Variants in RGS7 observed in about 807,000 individuals in gnomAD.
The protein encoded by RGS7 is regulator of G protein signaling 7.
A neutral mutation model predicts 81.1 loss-of-function variants in RGS7; 27 were observed. The observed-to-expected ratio is 0.33, with a 90% CI of 0.25 to 0.46. RGS7 has a LOEUF of 0.46. Among genes scored for constraint, RGS7 ranks in the 20% least tolerant of loss-of-function variants. The pLI is 1.00. For synonymous variants in RGS7, 208 were observed against 207.7 expected (o/e 1.00, Z -0.01); for missense variants, 396 against 607.4 (o/e 0.65, Z 3.66).
intron 6 of RGS7, chr1:240,920,614 T>C: frequency 9.2e-7 from 1 of 1,089,904 alleles, no homozygotes; most frequent in South Asian, 1.2e-5. Flanking sequence ...AGATTTTAAT[T>C]AGGAAACAAA....
At chr1:240,913,896 G>GT (rs924759988) in intron 6 of RGS7, among the ~76,000 whole-genome samples, 2 of 148,638 alleles carry the variant, frequency 1.3e-5, no homozygotes, top group Non-Finnish European at 3.0e-5. Flanking sequence ...TGTTTTTTTT[G>GT]TTTTTTTAAT....
At chr1:241,309,844 C>A (rs936742146) in intron 2 of RGS7, among the ~76,000 whole-genome samples, 1 of 152,200 alleles carries the variant, frequency 6.6e-6, no homozygotes, top group Non-Finnish European at 1.5e-5. Context: ...ACTTAACACA[C>A]GCGTTGAAGT....
intron 3 of RGS7, among the ~76,000 whole-genome samples, chr1:241,022,797 G>C (rs1451635581): frequency 6.6e-6 from 1 of 152,140 alleles, no homozygotes; most frequent in East Asian, 1.9e-4. Flanking sequence ...CATGGTCTTA[G>C]TGAGCTGATT....
In RGS7 at chr1:241,341,999, G is replaced by A. The variant is rs139239897; in HGVS notation, c.78+13700C>T. 1.5e-3 allele frequency among the ~76,000 whole-genome samples: 223 copies of A among 148,806 alleles called. 3 individuals are homozygous for A. In the Middle Eastern group the frequency reaches 0.025, roughly 16 times the overall value. ...AAGCAGTTCTTCTGCTTCACCCTCCGGAGTGGCTGAAATTACAGGCCCGTA... is the reference window on the plus strand; with the variant it reads ...AAGCAGTTCTTCTGCTTCACCCTCCAGAGTGGCTGAAATTACAGGCCCGTA... On this transcript the variant is annotated intron_variant, in intron 2 of 18. Coordinates refer to ENST00000440928, the MANE Select transcript of RGS7 (RefSeq NM_001364886.1).
chr1:241,192,448 C>T (rs1024751256), intron 2 of RGS7, among the ~76,000 whole-genome samples: 4 of 151,996 alleles, frequency 2.6e-5, no homozygotes, highest in African/African-American at 9.7e-5. Flanking sequence ...TTTTCAGAGT[C>T]CTTTATGTAT....
chr1:241,024,893 T>C (rs527257870), intron 3 of RGS7, among the ~76,000 whole-genome samples: 13 of 152,338 alleles, frequency 8.5e-5, no homozygotes, highest in African/African-American at 3.1e-4. Context: ...AAGAGATTGC[T>C]GATTGCAAAT....
intron 2 of RGS7, among the ~76,000 whole-genome samples, chr1:241,157,047 A>G (rs1463047853): frequency 6.6e-6 from 1 of 152,152 alleles, no homozygotes; most frequent in Non-Finnish European, 1.5e-5. Context: ...TGTTTTAAAA[A>G]TCCCTAGCAA....
chr1:240,912,150 CAAAAAAAA>C (rs374318547), intron 6 of RGS7, among the ~76,000 whole-genome samples: 3 of 55,780 alleles, frequency 5.4e-5, no homozygotes, highest in African/African-American at 1.8e-4. Context: ...GATTCTGTCT[CAAAAAAAA>C]AAAAAAAAAA....
chr1:240,998,005 TCA>T (rs1473654700), intron 3 of RGS7, among the ~76,000 whole-genome samples: 2 of 152,204 alleles, frequency 1.3e-5, no homozygotes, highest in African/African-American at 4.8e-5. Flanking sequence ...ACAAATTCTC[TCA>T]GTTTTCCTTC....
intron 18 of RGS7, among the ~76,000 whole-genome samples, chr1:240,780,775 G>A (rs1211770914): frequency 1.3e-5 from 2 of 151,684 alleles, no homozygotes; most frequent in African/African-American, 2.4e-5. Context: ...TTAGCTGGGC[G>A]TGGTGGTGCG....
At chr1:241,240,939 TTTAGG>T (rs954076850) in intron 2 of RGS7, among the ~76,000 whole-genome samples, 15 of 152,148 alleles carry the variant, frequency 9.9e-5, no homozygotes, top group African/African-American at 3.6e-4. Flanking sequence ...TCAAGATGCC[TTTAGG>T]TTCTTTCTGA....
intron 4 of RGS7, among the ~76,000 whole-genome samples, chr1:240,969,628 C>T (rs1682879331): frequency 6.6e-6 from 1 of 152,174 alleles, no homozygotes; most frequent in Non-Finnish European, 1.5e-5. Flanking sequence ...ATTTAAAAAA[C>T]CAATCAGATA....
chr1:241,216,503 T>C (rs1010937149), intron 2 of RGS7, among the ~76,000 whole-genome samples: 5 of 152,186 alleles, frequency 3.3e-5, no homozygotes, highest in African/African-American at 1.2e-4. Flanking sequence ...GTTATATTTG[T>C]GGGAAGAGAG....
chr1:241,307,803 T>A (rs916530231), intron 2 of RGS7, among the ~76,000 whole-genome samples: 4 of 152,064 alleles, frequency 2.6e-5, no homozygotes, highest in Admixed American at 1.3e-4. Context: ...ACTGAATGAA[T>A]GAATGAATGA....
chr1:240,833,825 G>C (rs1694246999), intron 9 of RGS7, among the ~76,000 whole-genome samples: 1 of 150,844 alleles, frequency 6.6e-6, no homozygotes, highest in African/African-American at 2.4e-5. Flanking sequence ...TTTTGGCCCA[G>C]GCTGGAATGC....
rs1334773171 is a variant in RGS7 at position 240,909,994 on chromosome 1, A to T, written c.385+20723T>A. ...TAGCCCTGCTTTATTAAAGTGCAGC[A>T]GACGTGCTCTTCTGTCCCTTCTGTC... On this transcript the variant is annotated intron_variant, in intron 6 of 18. Coordinates refer to ENST00000440928, the MANE Select transcript of RGS7 (RefSeq NM_001364886.1). Among the ~76,000 whole-genome samples the T allele has an allele frequency of 2.0e-5, 3 of 152,114 alleles. No homozygotes were observed. In the East Asian group the frequency reaches 5.8e-4, roughly 29 times the overall value.
chr1:240,965,163 T>C (rs1490446311), intron 4 of RGS7, among the ~76,000 whole-genome samples: 1 of 152,228 alleles, frequency 6.6e-6, no homozygotes, highest in African/African-American at 2.4e-5. Flanking sequence ...GCTTCTTAAC[T>C]GTTTAATGAT....
intron 2 of RGS7, among the ~76,000 whole-genome samples, chr1:241,166,093 G>A (rs2070209355): frequency 6.6e-6 from 1 of 152,156 alleles, no homozygotes; most frequent in Admixed American, 6.5e-5. Context: ...ATCTGGGGGT[G>A]GGGAACAGGG....
intron 9 of RGS7, among the ~76,000 whole-genome samples, chr1:240,865,197 A>C (rs1253096363): frequency 6.6e-6 from 1 of 152,192 alleles, no homozygotes; most frequent in Non-Finnish European, 1.5e-5. Context: ...GGGCCTCGTA[A>C]ATAATGGACT....
Sources: gnomAD v4.1 joint callset for allele counts (sites outside exome capture counted in the v4.1 genomes callset) on GRCh38, gnomAD v4.1.1 for gene constraint, MANE v1.5 for transcripts, NCBI Gene and HGNC (gene_info 2026-07-23, HGNC 2026-07-21) for gene names.